Variants in TAB2 observed in about 807,000 individuals in gnomAD.
The protein encoded by TAB2 is TGF-beta-activated kinase 1 and MAP3K7-binding protein 2.
A neutral mutation model predicts 65.0 loss-of-function variants in TAB2; 3 were observed. The observed-to-expected ratio is 0.05, with a 90% confidence interval of 0.02 to 0.12. The LOEUF is 0.12. TAB2 is among the 10% of genes least tolerant of loss of function. The pLI is 1.00. For synonymous variants in TAB2, 298 were observed against 285.1 expected, an observed-to-expected ratio of 1.05 and a Z score of -0.46; for missense variants, 623 against 840.3, an observed-to-expected ratio of 0.74 and a Z score of 3.20.
At chr6:149,282,051 A>T (rs1400571446) in intron 1 of TAB2, among the ~76,000 whole-genome samples, 1 of 152,170 alleles carries the variant, frequency 6.6e-6, no homozygotes, top group Non-Finnish European at 1.5e-5. Flanking sequence ...CTATAATCCC[A>T]GCTACTCGGG....
chr6:149,254,063 AAGGAAGGAAGGAAGG>A (rs999597441), intron 1 of TAB2, among the ~76,000 whole-genome samples: 1 of 24,834 alleles, frequency 4.0e-5, no homozygotes, highest in African/African-American at 1.2e-4. Context: ...GAGAGGGAGG[AAGGAAGGAAGGAAGG>A]AAGGAAGGAA....
intron 1 of TAB2, among the ~76,000 whole-genome samples, chr6:149,352,930 A>G (rs1253544185): frequency 6.6e-6 from 1 of 152,166 alleles, no homozygotes; most frequent in Non-Finnish European, 1.5e-5. Flanking sequence ...GTTTTTGTCC[A>G]ATATCTTAAA....
intron 1 of TAB2, among the ~76,000 whole-genome samples, chr6:149,346,073 C>G (rs1363900712): frequency 6.6e-6 from 1 of 152,038 alleles, no homozygotes. Context: ...TGTGTTTTTT[C>G]TAGATTAGAT....
At chr6:149,299,720 G>C (rs1778937901) in intron 1 of TAB2, among the ~76,000 whole-genome samples, 1 of 152,136 alleles carries the variant, frequency 6.6e-6, no homozygotes, top group Admixed American at 6.5e-5. Context: ...ACTAGATAAA[G>C]TTTTTACTAC....
Position 149,400,455 on chromosome 6 carries a change from G to A in TAB2, c.1939+1271G>A. ...GAACAACAATCATATTAATTTGAAG[G>A]TGGCGGGACAGGATGGTTCTGTGGT... On this transcript the variant is annotated intron_variant, in intron 6 of 6. Coordinates refer to ENST00000637181, the MANE Select transcript of TAB2 (RefSeq NM_001292034.3). The A allele has an allele frequency of 5.0e-6, 8 of 1,614,240 alleles. No individual in the cohort carries two copies. The South Asian group carries it at 8.8e-5, about 18-fold the overall frequency.
intron 1 of TAB2, among the ~76,000 whole-genome samples, chr6:149,270,458 TTAA>T (rs1485226003): frequency 6.6e-6 from 1 of 152,156 alleles, no homozygotes; most frequent in East Asian, 1.9e-4. Flanking sequence ...ATGACTATAG[TTAA>T]TAACAGTATA....
At chr6:149,389,862 CTA>C (rs1781926529) in intron 3 of TAB2, among the ~76,000 whole-genome samples, 1 of 152,090 alleles carries the variant, frequency 6.6e-6, no homozygotes, top group African/African-American at 2.4e-5. Flanking sequence ...AAATTATTAT[CTA>C]GCAAGAGGTC....
At chr6:149,279,865 T>C (rs962813741) in intron 1 of TAB2, among the ~76,000 whole-genome samples, 3 of 152,182 alleles carry the variant, frequency 2.0e-5, no homozygotes, top group Non-Finnish European at 4.4e-5. Flanking sequence ...TATTTCCCCC[T>C]TCTGTGCTCC....
At chr6:149,238,327 T>C (rs1777537187) in intron 1 of TAB2, among the ~76,000 whole-genome samples, 1 of 152,218 alleles carries the variant, frequency 6.6e-6, no homozygotes, top group Non-Finnish European at 1.5e-5. Flanking sequence ...GCTCCTCTTC[T>C]TCTCTACCTT....
chr6:149,266,188 G>A (rs1272901168), intron 1 of TAB2, among the ~76,000 whole-genome samples: 2 of 152,210 alleles, frequency 1.3e-5, no homozygotes, highest in Non-Finnish European at 2.9e-5. Flanking sequence ...GTGCAGAAAG[G>A]ATGTGTGAAC....
chr6:149,226,409 A>G (rs1777277862), intron 1 of TAB2, among the ~76,000 whole-genome samples: 1 of 152,106 alleles, frequency 6.6e-6, no homozygotes, highest in Non-Finnish European at 1.5e-5. Context: ...AAAACCATTA[A>G]CTGGCATCCA....
intron 1 of TAB2, chr6:149,321,512 C>T (rs1434089656): frequency 6.6e-6 from 1 of 152,092 alleles, no homozygotes; most frequent in Non-Finnish European, 1.5e-5. Context: ...TCTAAGTATT[C>T]CATCTCTCAA....
At chr6:149,381,347 G>A (rs537941064) in intron 3 of TAB2, among the ~76,000 whole-genome samples, 1 of 152,150 alleles carries the variant, frequency 6.6e-6, no homozygotes, top group South Asian at 2.1e-4. Context: ...TTCTCCCAAA[G>A]TCACCTTCTC....
intron 1 of TAB2, among the ~76,000 whole-genome samples, chr6:149,266,704 G>A (rs1459912501): frequency 6.6e-6 from 1 of 152,200 alleles, no homozygotes; most frequent in African/African-American, 2.4e-5. Context: ...GCTAGAGCAC[G>A]AATGTGGTGG....
chr6:149,304,614 C>T lies in TAB2; in HGVS notation c.-120-73404C>T, dbSNP rs542975283. On this transcript the variant is annotated intron_variant, in intron 1 of 1. Transcript: ENST00000606202. ...GACACAACAGCAAAAGCCTAGGTCC[C>T]GACACTCTGCCTTCACTTCACAAAG... Among the ~76,000 whole-genome samples, 9 of 152,260 alleles carry T rather than the reference C, an allele frequency of 5.9e-5. No homozygotes were observed. The South Asian group carries it at 8.3e-4, about 14-fold the overall frequency.
rs1413541115 is a variant in TAB2, at chr6:149,317,740, C to T, written c.-365C>T. The T allele has an allele frequency of 1.9e-5, 3 of 158,370 alleles. No homozygotes were observed. The highest frequency in any genetic ancestry group is 1.3e-4 in the Admixed American group (2 of 15,212). The allele number at this position is 158,370 out of a possible 1,614,324, so 9.8% of individuals were successfully genotyped here. On this transcript the variant is annotated 5_prime_UTR_variant, in exon 1 of 7. Transcript: ENST00000637181. This position sits in a 1 kb window ranked among gnomAD's most constrained non-coding sequence, Gnocchi z 4.7. ...GTTTTTGATCTGCTGCAGCCGCCGG[C>T]GGGGCGACCCAGCCCGACCCCCTCC...
At chr6:149,372,672 A>G (rs1395663166) in intron 2 of TAB2, among the ~76,000 whole-genome samples, 2 of 152,150 alleles carry the variant, frequency 1.3e-5, no homozygotes, top group African/African-American at 2.4e-5. Flanking sequence ...AACAGACCAC[A>G]CTTTTTAAAA....
chr6:149,359,200 T>G (rs1780766271), intron 1 of TAB2, among the ~76,000 whole-genome samples: 1 of 152,186 alleles, frequency 6.6e-6, no homozygotes, highest in African/African-American at 2.4e-5. Flanking sequence ...TTCAACATGA[T>G]GTTATTTGTT....
intron 1 of TAB2, among the ~76,000 whole-genome samples, chr6:149,346,905 G>A (rs755984831): frequency 4.6e-5 from 7 of 152,068 alleles, no homozygotes; most frequent in Admixed American, 4.6e-4. Context: ...TCCTTCAAGT[G>A]CTTTTATTCT....
Sources: gnomAD v4.1 joint callset for allele counts (sites outside exome capture counted in the v4.1 genomes callset) on GRCh38, gnomAD v4.1.1 for gene constraint, Gnocchi (gnomAD v3.1) non-coding constraint, MANE v1.5 for transcripts, NCBI Gene and HGNC (gene_info 2026-07-23, HGNC 2026-07-21) for gene names.